Variants in FAF2 observed in about 807,000 individuals in gnomAD.
The protein encoded by FAF2 is Fas associated factor family member 2, also known as FAS-associated factor 2.
In FAF2, 9 loss-of-function variants were observed where a neutral mutation model predicts 62.3. That is an observed-to-expected ratio of 0.14 (90% CI 0.09 to 0.25). The LOEUF is 0.25. FAF2 is among the 10% of genes least tolerant of loss of function. The probability of loss-of-function intolerance (pLI) is 1.00; values close to 1 mark genes in which losing one functional copy is unlikely to be tolerated. For missense variants in FAF2, 368 were observed against 556.2 expected, an observed-to-expected ratio of 0.66 and a Z score of 3.40; for synonymous variants, 202 against 198.0, an observed-to-expected ratio of 1.02 and a Z score of -0.17.
intron 1 of FAF2, among the ~76,000 whole-genome samples, chr5:176,454,475 G>T (rs927420137): frequency 1.3e-5 from 2 of 150,872 alleles, no homozygotes; most frequent in Non-Finnish European, 2.9e-5. Flanking sequence ...CTACTCAGGA[G>T]GCTGAGGCAT....
chr5:176,448,932 G>A (rs1257881458), intron 1 of FAF2, among the ~76,000 whole-genome samples: 1 of 152,136 alleles, frequency 6.6e-6, no homozygotes, highest in Non-Finnish European at 1.5e-5. Context: ...TGGATACCAG[G>A]TTTCGTGTTG....
intron 5 of FAF2, among the ~76,000 whole-genome samples, chr5:176,493,145 G>A (rs1245995127): frequency 6.6e-6 from 1 of 152,230 alleles, no homozygotes; most frequent in African/African-American, 2.4e-5. Flanking sequence ...GTTCTATTAT[G>A]CAGCCTCCAG....
chr5:176,448,939 G>A (rs1056321768), intron 1 of FAF2, among the ~76,000 whole-genome samples: 17 of 152,290 alleles, frequency 1.1e-4, no homozygotes, highest in Non-Finnish European at 2.4e-4. Context: ...CAGGTTTCGT[G>A]TTGGGGGTTC....
chr5:176,505,597 C>T (rs568299939), intron 10 of FAF2, among the ~76,000 whole-genome samples: 20 of 152,244 alleles, frequency 1.3e-4, no homozygotes, highest in Non-Finnish European at 2.8e-4. Flanking sequence ...TATTTGTAGT[C>T]TTTTATCCCT....
chr5:176,468,021 C>G (rs1173593354), intron 1 of FAF2, among the ~76,000 whole-genome samples: 3 of 151,922 alleles, frequency 2.0e-5, no homozygotes, highest in Non-Finnish European at 2.9e-5. Context: ...AAAAATTAAT[C>G]GGGTGTGTTG....
Position 176,494,116 on chromosome 5 carries a change from C to T in FAF2, c.569+32C>T. The T allele has an allele frequency of 6.2e-7, 1 of 1,610,762 alleles. No individual in the cohort carries two copies. The highest frequency in any genetic ancestry group is 8.5e-7 in the Non-Finnish European group (1 of 1,177,140). On this transcript the variant is annotated intron_variant, in intron 6 of 10. Transcript: ENST00000261942. This position sits in a 1 kb window ranked among gnomAD's most constrained non-coding sequence, Gnocchi z 4.0. ...GGATTGATTATTTTCCTTCTCTTTTCTGACTCTTTCTGGTGACAGTTTATA... is the reference window on the plus strand; with the variant it reads ...GGATTGATTATTTTCCTTCTCTTTTTTGACTCTTTCTGGTGACAGTTTATA...
At chr5:176,479,601 T>C (rs1287953697) in intron 2 of FAF2, among the ~76,000 whole-genome samples, 7 of 152,228 alleles carry the variant, frequency 4.6e-5, no homozygotes, top group Non-Finnish European at 7.3e-5. Flanking sequence ...GGTAGTCATG[T>C]TCTCTGCAAC....
At position 176,494,763 on chromosome 5, in the gene FAF2, C is replaced by T. The variant is rs1759035096; in HGVS notation, c.661+488C>T. ...GTAGAGATGGGGTTTCACCATGTAGCCTCAAACTCCTGGACTCAAGTGAGC... is the reference window on the plus strand; with the variant it reads ...GTAGAGATGGGGTTTCACCATGTAGTCTCAAACTCCTGGACTCAAGTGAGC... On this transcript the variant is annotated intron_variant, in intron 7 of 10. Transcript: ENST00000261942. The surrounding 1 kb of genome is among the most constrained non-coding windows in gnomAD (Gnocchi z 4.0). Among the ~76,000 whole-genome samples the T allele has an allele frequency of 6.6e-6, 1 of 151,980 alleles. No individual in the cohort carries two copies. Among genetic ancestry groups the T allele is most frequent in the Non-Finnish European group, 1.5e-5 (1 of 67,992 alleles).
intron 1 of FAF2, among the ~76,000 whole-genome samples, chr5:176,452,037 G>T (rs1162718101): frequency 6.8e-6 from 1 of 147,248 alleles, no homozygotes; most frequent in East Asian, 2.0e-4. Flanking sequence ...AAGTGGCTAG[G>T]ACTAGAAGTG....
rs377457443 is a variant in FAF2 at position 176,468,501 on chromosome 5, G to A, written c.64-10687G>A. ...CGGGAGGCTGAGGCAGGAGAATGGT[G>A]TGAACCCGGGAGGCGCAGCTTGCAG... On this transcript the variant is annotated intron_variant, in intron 1 of 10. Transcript: ENST00000261942. 2.8e-4 allele frequency among the ~76,000 whole-genome samples: 42 copies of A among 151,878 alleles called. No homozygotes were observed. The South Asian group carries it at 7.7e-3, about 28-fold the overall frequency.
chr5:176,489,027 G>A lies in FAF2; in HGVS notation c.344G>A (p.Arg115Lys). The change falls in exon 4 of 11, where the codon AGG becomes AAG. Residue 115 changes from arginine to lysine, a missense_variant and splice_region_variant. Transcript: ENST00000261942. Reference sequence around the variant, plus strand: ...TATTACACGATACTTGATATATTTAGGTATGTACCTTTGGATTTATGTATT... The same window carrying A: ...TATTACACGATACTTGATATATTTAAGTATGTACCTTTGGATTTATGTATT... Reference protein sequence around the residue: ...FTYYTILDIFRFALRFIRPDP... With the variant: ...FTYYTILDIFKFALRFIRPDP... 1 of 1,609,984 alleles carries A rather than the reference G, an allele frequency of 6.2e-7. No homozygotes were observed. The highest frequency in any genetic ancestry group is 8.5e-7 in the Non-Finnish European group (1 of 1,176,898).
At chr5:176,479,383 A>G in intron 2 of FAF2, 127 bp downstream of exon 2, 1 of 744,144 alleles carries the variant, frequency 1.3e-6, no homozygotes, top group South Asian at 1.8e-5. Context: ...CTAAAAATAA[A>G]AGTGCAGGAA....
In FAF2 at chr5:176,489,020, A is replaced by C; in HGVS notation, c.337A>C (p.Ile113Leu). Residue 113 changes from isoleucine to leucine, a missense_variant, in exon 4 of 11, where the codon ATA (isoleucine) becomes CTA (leucine). By Grantham distance (5) the Ile-to-Leu change is conservative. Coordinates refer to ENST00000261942, the MANE Select transcript of FAF2 (RefSeq NM_014613.3). ...GTTTACCTATTACACGATACTTGAT[A>C]TATTTAGGTATGTACCTTTGGATTT... ...FRFTYYTILDIFRFALRFIRP... is the reference protein window; with the variant it reads ...FRFTYYTILDLFRFALRFIRP... The C allele has an allele frequency of 6.2e-7, 1 of 1,611,184 alleles. No homozygotes were observed. The highest frequency in any genetic ancestry group is 8.5e-7 in the Non-Finnish European group (1 of 1,177,480).
At chr5:176,493,962 GTCT>G in intron 5 of FAF2, 34 bp from the exon 6 acceptor site, 1 of 1,433,370 alleles carries the variant, frequency 7.0e-7, no homozygotes, top group Non-Finnish European at 9.8e-7. Flanking sequence ...TCAAGGCACA[GTCT>G]TCTTAATAGT....
At chr5:176,489,164 T>A in intron 4 of FAF2, 137 bp downstream of exon 4, 1 of 585,006 alleles carries the variant, frequency 1.7e-6, no homozygotes, top group Non-Finnish European at 3.0e-6. Context: ...CGAACTGTCT[T>A]TTAATACAAC....
chr5:176,457,878 T>A (rs931141254), intron 1 of FAF2, among the ~76,000 whole-genome samples: 18 of 152,232 alleles, frequency 1.2e-4, no homozygotes, highest in Non-Finnish European at 2.4e-4. Context: ...TTGTAAATTC[T>A]TATTGGAGTT....
At chr5:176,491,379 C>G (rs1312912291) in intron 4 of FAF2, among the ~76,000 whole-genome samples, 1 of 152,118 alleles carries the variant, frequency 6.6e-6, no homozygotes, top group Non-Finnish European at 1.5e-5. Context: ...CAAGAGCTGC[C>G]AGTACTCCAC....
intron 2 of FAF2, among the ~76,000 whole-genome samples, chr5:176,482,850 C>CT (rs773227451): frequency 6.6e-6 from 1 of 151,912 alleles, no homozygotes; most frequent in Non-Finnish European, 1.5e-5. Context: ...TGTTTTCTCC[C>CT]TTTCTGCGAG....
intron 1 of FAF2, among the ~76,000 whole-genome samples, chr5:176,478,956 C>T (rs1485656467): frequency 1.3e-5 from 2 of 152,128 alleles, no homozygotes; most frequent in African/African-American, 4.8e-5. Flanking sequence ...GTCAGTACTC[C>T]TCTTAATTGA....
Sources: allele counts gnomAD v4.1 joint callset (sites outside exome capture counted in the v4.1 genomes callset), GRCh38; gene constraint gnomAD v4.1.1; non-coding constraint Gnocchi (gnomAD v3.1); transcripts MANE v1.5; gene names NCBI Gene and HGNC (gene_info 2026-07-23, HGNC 2026-07-21).